ARMC3: variants seen among roughly 807,000 people sequenced by gnomAD.
The protein encoded by ARMC3 is armadillo repeat-containing protein 3.
ARMC3 carries 74 observed loss-of-function variants against 90.3 expected under a neutral mutation model. That is an observed-to-expected ratio of 0.82 (90% CI 0.68 to 0.99). The LOEUF (loss-of-function observed/expected upper bound fraction) is 0.99, where lower values mean the gene tolerates loss of function less well. ARMC3 is among the 50% of genes least tolerant of loss of function. The pLI is 0.00. For missense variants in ARMC3, 958 were observed against 1,042.8 expected, an observed-to-expected ratio of 0.92 and a Z score of 1.12; for synonymous variants, 334 against 361.8, an observed-to-expected ratio of 0.92 and a Z score of 0.87.
intron 3 of ARMC3, among the ~76,000 whole-genome samples, chr10:22,951,487 G>C (rs930313325): frequency 1.3e-5 from 2 of 151,842 alleles, no homozygotes; most frequent in African/African-American, 4.8e-5. Context: ...AGTGGATACA[G>C]AACATTTATC....
intron 6 of ARMC3, chr10:22,959,943 T>C (rs1356301559): frequency 2.4e-6 from 1 of 409,346 alleles, no homozygotes. Flanking sequence ...ATATACCCTA[T>C]TCAATGTACT....
At chr10:22,965,245 T>A (rs1220646674) in intron 7 of ARMC3, among the ~76,000 whole-genome samples, 1 of 152,256 alleles carries the variant, frequency 6.6e-6, no homozygotes, top group African/African-American at 2.4e-5. Context: ...AGTGTAAATA[T>A]AATGGCATAA....
rs145625028 is a variant in ARMC3, at chr10:22,944,887, A to T, written c.49-1257A>T. ...ATGTCTAGAATCACAAGTGCCACCA[A>T]CCTGTTGTACACAACTGATTTTTTA... On this transcript the variant is annotated intron_variant, in intron 2 of 18. Transcript: ENST00000298032. Among the ~76,000 whole-genome samples, 154 of 152,322 alleles carry T rather than the reference A, an allele frequency of 1.0e-3. 2 individuals carry two copies. Among genetic ancestry groups the T allele is most frequent in the Admixed American group, 7.3e-3 (112 of 15,300 alleles).
In ARMC3 at chr10:22,992,418, AT is replaced by A. The variant is rs1018319024; in HGVS notation, c.1176-5726del. Among the ~76,000 whole-genome samples the A allele has an allele frequency of 2.6e-3, 388 of 151,956 alleles. 7 individuals carry two copies. Among genetic ancestry groups the A allele is most frequent in the Admixed American group, 0.023 (346 of 15,236 alleles). On this transcript the variant is annotated intron_variant, in intron 10 of 18. Coordinates refer to ENST00000298032, the MANE Select transcript of ARMC3 (RefSeq NM_173081.5). ...AATTCGGTTTCACATATTTCCTAGC[AT>A]TTTGCGGGGGGCATTTTTCTTATTT...
chr10:22,976,234 C>G (rs540199730), intron 8 of ARMC3, among the ~76,000 whole-genome samples: 1 of 152,322 alleles, frequency 6.6e-6, no homozygotes, highest in South Asian at 2.1e-4. Flanking sequence ...CCAGGGTCCT[C>G]TTTTTCTCCT....
chr10:22,968,009 GT>G (rs751924479), intron 7 of ARMC3, among the ~76,000 whole-genome samples: 53 of 152,252 alleles, frequency 3.5e-4, no homozygotes, highest in Middle Eastern at 3.4e-3. Flanking sequence ...TTTCAAAATT[GT>G]TTTTTGCAGA....
intron 2 of ARMC3, among the ~76,000 whole-genome samples, chr10:22,940,815 A>G (rs769077511): frequency 6.6e-6 from 1 of 152,176 alleles, no homozygotes; most frequent in South Asian, 2.1e-4. Context: ...TTAAACATGC[A>G]CTTGCCAGAC....
At chr10:23,033,742 C>T (rs1008777256) in intron 18 of ARMC3, among the ~76,000 whole-genome samples, 5 of 152,152 alleles carry the variant, frequency 3.3e-5, no homozygotes, top group African/African-American at 9.7e-5. Context: ...AGGGGCAAGA[C>T]TAGAGACAGG....
intron 8 of ARMC3, among the ~76,000 whole-genome samples, chr10:22,979,591 CTGTTTAGAAAATTT>C (rs1454817210): frequency 6.6e-6 from 1 of 152,076 alleles, no homozygotes; most frequent in Non-Finnish European, 1.5e-5. Context: ...TAAGAGGGTT[CTGTTTAGAAAATTT>C]GGTTTAGAGC....
intron 1 of ARMC3, among the ~76,000 whole-genome samples, chr10:22,930,617 C>T (rs950606187): frequency 3.3e-5 from 5 of 152,138 alleles, no homozygotes; most frequent in African/African-American, 1.2e-4. Flanking sequence ...CTAGGAGTTT[C>T]TATGAAGACG....
intron 7 of ARMC3, among the ~76,000 whole-genome samples, chr10:22,964,320 C>T (rs1403011533): frequency 6.6e-6 from 1 of 151,828 alleles, no homozygotes; most frequent in African/African-American, 2.4e-5. Flanking sequence ...ACTTAATTAC[C>T]TTTTGATTAG....
At chr10:22,971,930 A>T (rs1264252590) in intron 8 of ARMC3, among the ~76,000 whole-genome samples, 4 of 152,122 alleles carry the variant, frequency 2.6e-5, no homozygotes, top group African/African-American at 4.8e-5. Context: ...TTTTATTTGC[A>T]TGCCCTAATG....
intron 10 of ARMC3, among the ~76,000 whole-genome samples, chr10:22,994,429 G>A (rs981590113): frequency 1.3e-5 from 2 of 152,196 alleles, no homozygotes; most frequent in African/African-American, 4.8e-5. Context: ...CAGGCATGGC[G>A]GCTCACTCCT....
chr10:22,935,327 T>C (rs1018846260), intron 2 of ARMC3, among the ~76,000 whole-genome samples: 3 of 152,192 alleles, frequency 2.0e-5, no homozygotes, highest in African/African-American at 4.8e-5. Flanking sequence ...AACCTTTCAT[T>C]CTTTGTCATA....
intron 1 of ARMC3, among the ~76,000 whole-genome samples, chr10:22,931,756 C>T (rs1052369642): frequency 1.3e-5 from 2 of 152,174 alleles, no homozygotes; most frequent in South Asian, 4.1e-4. Context: ...CACCTCCTTT[C>T]TAAACTGAAA....
intron 8 of ARMC3, among the ~76,000 whole-genome samples, chr10:22,974,728 C>T (rs1349618112): frequency 2.0e-5 from 3 of 152,014 alleles, no homozygotes; most frequent in South Asian, 2.1e-4. Flanking sequence ...CTGCAACCTC[C>T]GGCTCCTGGG....
chr10:23,020,253 G>T (rs185268647), intron 16 of ARMC3, among the ~76,000 whole-genome samples: 102 of 152,108 alleles, frequency 6.7e-4, no homozygotes, highest in Non-Finnish European at 9.3e-4. Context: ...TTAGCCTCCC[G>T]AGTAGCTGGG....
At chr10:22,937,151 C>T (rs1295172800) in intron 2 of ARMC3, among the ~76,000 whole-genome samples, 1 of 152,176 alleles carries the variant, frequency 6.6e-6, no homozygotes, top group Non-Finnish European at 1.5e-5. Context: ...GATCTTCCCC[C>T]CTCGGCCTCC....
chr10:23,021,947 CAG>C (rs1446097775), intron 16 of ARMC3, among the ~76,000 whole-genome samples: 1 of 152,096 alleles, frequency 6.6e-6, no homozygotes, highest in Non-Finnish European at 1.5e-5. Flanking sequence ...GTATCTTTCT[CAG>C]AGCAAAAGTT....
Sources: allele counts gnomAD v4.1 joint callset (sites outside exome capture counted in the v4.1 genomes callset), GRCh38; gene constraint gnomAD v4.1.1; transcripts MANE v1.5; gene names NCBI Gene and HGNC (gene_info 2026-07-23, HGNC 2026-07-21).